BRCA1: variants seen among roughly 807,000 people sequenced by gnomAD.
The protein encoded by BRCA1 is breast cancer type 1 susceptibility protein.
Under a neutral mutation model 173.7 loss-of-function variants are expected in BRCA1, and 140 were observed. The ratio of observed to expected loss-of-function variants is 0.81; its 90% CI spans 0.70 to 0.93. The LOEUF (loss-of-function observed/expected upper bound fraction) is 0.93, where lower values mean the gene tolerates loss of function less well. Among genes scored for constraint, BRCA1 ranks in the 40% least tolerant of loss-of-function variants. BRCA1 has a pLI of 0.00. For synonymous variants in BRCA1, 662 were observed against 756.0 expected, an observed-to-expected ratio of 0.88 and a Z score of 2.04; for missense variants, 1,983 against 2,172.5, an observed-to-expected ratio of 0.91 and a Z score of 1.73.
rs149174271 is a variant in BRCA1 at position 43,085,439 on chromosome 17, G to A, written c.4186-2864C>T. 6.6e-5 allele frequency among the ~76,000 whole-genome samples: 10 copies of A among 152,106 alleles called. No individual in the cohort carries two copies. The East Asian group carries it at 1.4e-3, about 21-fold the overall frequency. On this transcript the variant is annotated intron_variant, in intron 11 of 22. Transcript: ENST00000357654. ...CTTTTTGAACACTATATAATTGTTA[G>A]TCATTACTGCCATTAGGATAAAATT...
At chr17:43,156,780 C>G (rs147700219) in intron 1 of BRCA1, among the ~76,000 whole-genome samples, 65 of 152,272 alleles carry the variant, frequency 4.3e-4, no homozygotes, top group African/African-American at 1.5e-3. Context: ...TAATTATAAT[C>G]TACACTATAT....
chr17:43,129,590 C>T (rs1053008351), upstream of BRCA1, among the ~76,000 whole-genome samples: 1 of 152,152 alleles, frequency 6.6e-6, no homozygotes, highest in Non-Finnish European at 1.5e-5. Context: ...TCTCCTGCCT[C>T]AGCCTCCCGA....
chr17:43,044,368 A>T lies in BRCA1; in HGVS notation c.*1310T>A, dbSNP rs2050780502. The stretch of plus-strand genomic sequence containing the variant: ...TTACAAAACGTATTTTGTACAATCA[A>T]GTCTTCACTGCCCTTGCACACTGGG... On this transcript the variant is annotated 3_prime_UTR_variant, in exon 23 of 23. Coordinates refer to ENST00000357654, the MANE Select transcript of BRCA1 (RefSeq NM_007294.4). The T allele has an allele frequency of 2.0e-6, 1 of 502,848 alleles. No individual in the cohort carries two copies. The highest frequency in any genetic ancestry group is 1.9e-5 in the African/African-American group (1 of 52,120). 31.1% of individuals were successfully genotyped at this position (502,848 alleles called of 1,614,324 possible).
At chr17:43,141,718 A>G (rs1188239190) in intron 1 of BRCA1, among the ~76,000 whole-genome samples, 1 of 151,812 alleles carries the variant, frequency 6.6e-6, no homozygotes, top group African/African-American at 2.4e-5. Flanking sequence ...AGGCTGAGGC[A>G]GGAGAATGGC....
intron 2 of BRCA1, among the ~76,000 whole-genome samples, chr17:43,123,040 G>A (rs1289798706): frequency 2.0e-5 from 3 of 150,288 alleles, no homozygotes; most frequent in African/African-American, 7.3e-5. Flanking sequence ...CTGGGCAACA[G>A]AGCAAGACTC....
Position 43,063,379 on chromosome 17 carries a change from G to T in BRCA1, c.5153-6C>A, listed in dbSNP as rs80358129. ...TTTAATAGACTGGGTCACCCCTAAA[G>T]AGATCATAGAAAAGACAGGTTACAT... On this transcript the variant is annotated splice_polypyrimidine_tract_variant and splice_region_variant and intron_variant, in intron 17 of 22. Transcript: ENST00000357654. 44 of 1,610,314 alleles carry T rather than the reference G, an allele frequency of 2.7e-5. No homozygotes were observed. The highest frequency in any genetic ancestry group is 3.2e-5 in the Non-Finnish European group (38 of 1,177,124).
intron 2 of BRCA1, among the ~76,000 whole-genome samples, chr17:43,120,751 C>A (rs1439003756): frequency 6.6e-6 from 1 of 151,136 alleles, no homozygotes; most frequent in Non-Finnish European, 1.5e-5. Context: ...GGTGAAAGAG[C>A]GAGACTCCGT....
chr17:43,090,946 G>C lies in BRCA1; in HGVS notation c.4183C>G (p.Gln1395Glu), dbSNP rs80357260. 1 of 1,608,596 alleles carries C rather than the reference G, an allele frequency of 6.2e-7. No homozygotes were observed. Among genetic ancestry groups the C allele is most frequent in the Non-Finnish European group, 8.5e-7 (1 of 1,177,290 alleles). The change falls in exon 11 of 23, where the codon CAG (glutamine) becomes GAG (glutamate). Residue 1395 changes from glutamine to glutamate, a missense_variant and splice_region_variant. By Grantham distance (29) the Gln-to-Glu change is conservative (BLOSUM62 2). Transcript: ENST00000357654. Reference sequence around the variant, plus strand: ...GCACACACACACACGCTTTTTACCTGAGTGGTTAAAATGTCACTCTGAGAG... The same window carrying C: ...GCACACACACACACGCTTTTTACCTCAGTGGTTAAAATGTCACTCTGAGAG... ...LSSQSDILTT[Q>E]QRDTMQHNLI...
At chr17:43,136,019 C>T (rs965163201) in intron 1 of BRCA1, among the ~76,000 whole-genome samples, 6 of 152,160 alleles carry the variant, frequency 3.9e-5, no homozygotes, top group African/African-American at 1.2e-4. Flanking sequence ...CTTCGCCGGG[C>T]GCAGGGCTCC....
At chr17:43,091,172 C>T (rs1045677887) in intron 10 of BRCA1, 140 bp from the exon 11 acceptor site, 19 of 975,850 alleles carry the variant, frequency 1.9e-5, no homozygotes, top group African/African-American at 9.7e-5. Context: ...TTTGGGACAC[C>T]TGGATTTGCT....
chr17:43,099,644 T>C (rs1305319123), intron 7 of BRCA1, 131 bp downstream of exon 7: 2 of 733,904 alleles, frequency 2.7e-6, no homozygotes, highest in African/African-American at 1.8e-5. Context: ...TAACTCACCA[T>C]AGGGCTCATA....
intron 1 of BRCA1, chr17:43,138,339 A>G (rs1236923127): frequency 4.7e-6 from 2 of 427,128 alleles, no homozygotes; most frequent in East Asian, 4.6e-5. Context: ...TTCCAGTGAA[A>G]ACATTCCAGA....
At chr17:43,146,573 C>T (rs547350249) in intron 1 of BRCA1, among the ~76,000 whole-genome samples, 2 of 151,836 alleles carry the variant, frequency 1.3e-5, no homozygotes, top group East Asian at 1.9e-4. Context: ...CTCCCAAAGT[C>T]TTGGGATTAC....
At chr17:43,127,555 T>C (rs2055921586), upstream of BRCA1, among the ~76,000 whole-genome samples, 1 of 152,106 alleles carries the variant, frequency 6.6e-6, no homozygotes, top group Non-Finnish European at 1.5e-5. Context: ...TAGTGGGGAC[T>C]TGGAGAATTT....
At chr17:43,127,859 C>G (rs1463650848), upstream of BRCA1, among the ~76,000 whole-genome samples, 1 of 145,040 alleles carries the variant, frequency 6.9e-6, no homozygotes, top group Non-Finnish European at 1.5e-5. Context: ...CCCGACTCTA[C>G]TAAAAAGACA....
intron 15 of BRCA1, among the ~76,000 whole-genome samples, chr17:43,069,010 C>T (rs2052269919): frequency 6.6e-6 from 1 of 152,218 alleles, no homozygotes; most frequent in South Asian, 2.1e-4. Context: ...CAAGGGCCAT[C>T]ATTTACTAGC....
intron 1 of BRCA1, chr17:43,153,467 G>A (rs1025468857): frequency 6.6e-6 from 1 of 152,184 alleles, no homozygotes; most frequent in Non-Finnish European, 1.5e-5. Context: ...TCCTTGAAAA[G>A]TAAAAAATGA....
chr17:43,085,588 A>G (rs2053198146), intron 11 of BRCA1, among the ~76,000 whole-genome samples: 1 of 151,922 alleles, frequency 6.6e-6, no homozygotes. Context: ...GAATTCCATG[A>G]CTCTGTACCT....
intron 2 of BRCA1, chr17:43,119,290 A>G (rs2055439363): frequency 4.6e-6 from 1 of 216,356 alleles, no homozygotes; most frequent in Non-Finnish European, 9.3e-6. Context: ...AAAAAAAAAG[A>G]AAAGGATCAC....
Sources: gnomAD v4.1 joint callset for allele counts (sites outside exome capture counted in the v4.1 genomes callset) on GRCh38, gnomAD v4.1.1 for gene constraint, MANE v1.5 for transcripts, NCBI Gene and HGNC (gene_info 2026-07-23, HGNC 2026-07-21) for gene names.